The following ABCC8 variants were observed in gnomAD, a reference collection of about 807,000 sequenced individuals.
ABCC8 encodes ATP binding cassette subfamily C member 8.
Under a neutral mutation model 188.0 loss-of-function variants are expected in ABCC8, and 137 were observed. The ratio of observed to expected loss-of-function variants is 0.73; its 90% CI spans 0.63 to 0.84. The LOEUF (loss-of-function observed/expected upper bound fraction) is 0.84, where lower values mean the gene tolerates loss of function less well. Among genes scored for constraint, ABCC8 ranks in the 40% least tolerant of loss-of-function variants. The probability of loss-of-function intolerance (pLI) is 0.00; values close to 1 mark genes in which losing one functional copy is unlikely to be tolerated. For synonymous variants in ABCC8, 797 were observed against 846.5 expected, an observed-to-expected ratio of 0.94 and a Z score of 1.01; for missense variants, 1,750 against 2,072.7, an observed-to-expected ratio of 0.84 and a Z score of 3.02.
chr11:17,476,555 G>A (rs1346396663), intron 1 of ABCC8, 74 bp downstream of exon 1: 2 of 1,548,290 alleles, frequency 1.3e-6, no homozygotes, highest in African/African-American at 2.8e-5. Context: ...ACGCCGAGCG[G>A]TGCGGCGCGC....
intron 21 of ABCC8, among the ~76,000 whole-genome samples, chr11:17,411,985 C>T (rs538212426): frequency 1.8e-4 from 27 of 151,540 alleles, no homozygotes; most frequent in East Asian, 1.6e-3. Flanking sequence ...CTCCGCCTCC[C>T]GGGTTCACGC....
chr11:17,473,182 C>G (rs943494302), intron 2 of ABCC8, among the ~76,000 whole-genome samples: 1 of 151,694 alleles, frequency 6.6e-6, no homozygotes, highest in Non-Finnish European at 1.5e-5. Flanking sequence ...TCTCCAAGGG[C>G]GGAGGTGTCT....
At chr11:17,410,237 A>G (rs1954743699) in intron 22 of ABCC8, 1 of 435,046 alleles carries the variant, frequency 2.3e-6, no homozygotes, top group South Asian at 3.2e-5. Context: ...AGAAGTGAGC[A>G]CTTGATTATT....
At chr11:17,397,443 C>G in intron 31 of ABCC8, 130 bp from the exon 32 acceptor site, 1 of 1,533,428 alleles carries the variant, frequency 6.5e-7, no homozygotes, top group South Asian at 1.2e-5. Context: ...CCACTGCCTG[C>G]TCAGAGCAGC....
intron 10 of ABCC8, among the ~76,000 whole-genome samples, chr11:17,441,261 A>C (rs913493783): frequency 4.6e-5 from 7 of 152,116 alleles, no homozygotes; most frequent in African/African-American, 1.7e-4. Flanking sequence ...TTTGTGGAAA[A>C]TAGCCTGAGA....
chr11:17,441,948 T>C (rs943719357), intron 10 of ABCC8, among the ~76,000 whole-genome samples: 1 of 151,924 alleles, frequency 6.6e-6, no homozygotes, highest in African/African-American at 2.4e-5. Flanking sequence ...GGTGTGGTGG[T>C]GTGTGCCTGT....
intron 2 of ABCC8, among the ~76,000 whole-genome samples, chr11:17,473,772 T>C (rs1848607121): frequency 1.3e-5 from 2 of 152,314 alleles, no homozygotes; most frequent in South Asian, 4.1e-4. Context: ...CTCTAGATTC[T>C]CCCTGCCTCC....
chr11:17,452,908 C>G (rs568476045), intron 7 of ABCC8, among the ~76,000 whole-genome samples: 1 of 152,334 alleles, frequency 6.6e-6, no homozygotes, highest in South Asian at 2.1e-4. Context: ...AGAGCCAGAG[C>G]TACACTGTCT....
intron 20 of ABCC8, chr11:17,412,958 G>A: frequency 9.3e-7 from 1 of 1,078,420 alleles, no homozygotes; most frequent in Non-Finnish European, 1.3e-6. Flanking sequence ...AAGATTCATT[G>A]TGTAGGCGCT....
At chr11:17,428,127 C>T (rs549991849) in intron 14 of ABCC8, 162 bp downstream of exon 14, 15 of 1,550,920 alleles carry the variant, frequency 9.7e-6, no homozygotes, top group African/African-American at 1.4e-5. Context: ...GGCTGGGGGT[C>T]CCCCCACTTG....
Position 17,404,576 on chromosome 11 carries a change from C to G in ABCC8, c.3493G>C (p.Val1165Leu). The G allele has an allele frequency of 1.2e-6, 2 of 1,614,002 alleles. No homozygotes were observed. The highest frequency in any genetic ancestry group is 3.3e-5 in the Admixed American group (2 of 60,008). Reference protein sequence around the residue: ...VISYVTPVFLVALLPLAIVCY... With the variant: ...VISYVTPVFLLALLPLAIVCY... ...ACGATGGCCAGGGGCAAGAGGGCCA[C>G]GAGGAACACAGGTGTGACATAGGAG... The change falls in exon 28 of 39, where the codon GTG becomes CTG. Residue 1165 changes from valine (V) to leucine (L), a missense_variant. Physicochemically the swap from Val to Leu is conservative, Grantham distance 32. Coordinates refer to ENST00000389817, the MANE Select transcript of ABCC8 (RefSeq NM_000352.6). This position sits in a 1 kb window ranked among gnomAD's most constrained non-coding sequence, Gnocchi z 4.7.
chr11:17,415,106 T>C (rs1171654260), intron 18 of ABCC8, among the ~76,000 whole-genome samples, 198 bp downstream of exon 18: 2 of 151,248 alleles, frequency 1.3e-5, no homozygotes, highest in African/African-American at 2.4e-5. Flanking sequence ...AATGATCTTA[T>C]GTGAAGGGAG....
chr11:17,435,110 G>A (rs796368331), intron 10 of ABCC8, among the ~76,000 whole-genome samples: 1 of 152,006 alleles, frequency 6.6e-6, no homozygotes, highest in Admixed American at 6.6e-5. Flanking sequence ...TCTCCTCAAA[G>A]CAGCTGCTCC....
chr11:17,416,149 G>C (rs1955062474), intron 17 of ABCC8, among the ~76,000 whole-genome samples: 1 of 152,176 alleles, frequency 6.6e-6, no homozygotes, highest in Non-Finnish European at 1.5e-5. Flanking sequence ...CTTTGGTGTT[G>C]GAGAGCAAAG....
chr11:17,402,266 G>C (rs1005877755), intron 29 of ABCC8, among the ~76,000 whole-genome samples: 1 of 152,206 alleles, frequency 6.6e-6, no homozygotes, highest in East Asian at 1.9e-4. Flanking sequence ...TTGCAGTGCA[G>C]AATGAGTGGG....
At chr11:17,394,867 G>A (rs1953826198) in intron 36 of ABCC8, among the ~76,000 whole-genome samples, 1 of 152,138 alleles carries the variant, frequency 6.6e-6, no homozygotes, top group African/African-American at 2.4e-5. Flanking sequence ...CAGGTGGATG[G>A]GGCAGGGCAG....
At chr11:17,419,177 G>GTCTGGCA (rs1955220173) in intron 16 of ABCC8, among the ~76,000 whole-genome samples, 1 of 152,330 alleles carries the variant, frequency 6.6e-6, no homozygotes, top group South Asian at 2.1e-4. Flanking sequence ...AGAATGGTAT[G>GTCTGGCA]TCTGGCAGGC....
chr11:17,412,200 T>G (rs542431363), intron 21 of ABCC8, among the ~76,000 whole-genome samples: 1 of 152,186 alleles, frequency 6.6e-6, no homozygotes, highest in African/African-American at 2.4e-5. Flanking sequence ...CCTAGTTTTA[T>G]CTCATGTTTG....
chr11:17,402,514 T>C, intron 29 of ABCC8, 147 bp downstream of exon 29: 2 of 1,525,668 alleles, frequency 1.3e-6, no homozygotes, highest in Non-Finnish European at 1.8e-6. Flanking sequence ...CTGGTGGATA[T>C]CCCTTGGGCC....
Sources: gnomAD v4.1 joint callset for allele counts (sites outside exome capture counted in the v4.1 genomes callset) on GRCh38, gnomAD v4.1.1 for gene constraint, Gnocchi (gnomAD v3.1) non-coding constraint, MANE v1.5 for transcripts, NCBI Gene and HGNC (gene_info 2026-07-23, HGNC 2026-07-21) for gene names.